Variants in TMCO6 observed in about 807,000 individuals in gnomAD.
TMCO6 encodes transmembrane and coiled-coil domain-containing protein 6.
TMCO6 carries 47 observed loss-of-function variants against 61.8 expected under a neutral mutation model. That is an observed-to-expected ratio of 0.76 (90% CI 0.60 to 0.97). The LOEUF (loss-of-function observed/expected upper bound fraction) is 0.97, where lower values mean the gene tolerates loss of function less well. Ranked by LOEUF, TMCO6 falls within the 50% of genes least tolerant of loss-of-function variation. The probability of loss-of-function intolerance (pLI) is 0.00; values close to 1 mark genes in which losing one functional copy is unlikely to be tolerated. For missense variants in TMCO6, 557 were observed against 601.6 expected (o/e 0.93, Z 0.78); for synonymous variants, 261 against 254.2 (o/e 1.03, Z -0.25).
At chr5:140,634,354 TG>T in the TMCO6 span, among the ~76,000 whole-genome samples, 1 of 150,680 alleles carries the variant, frequency 6.6e-6, no homozygotes, top group African/African-American at 2.4e-5. Flanking sequence ...CAAAACAAAA[TG>T]AAAAAAACAG....
the TMCO6 span, among the ~76,000 whole-genome samples, chr5:140,634,067 C>T: frequency 1.3e-5 from 2 of 152,114 alleles, no homozygotes; most frequent in African/African-American, 4.8e-5. Flanking sequence ...GGATTACAGG[C>T]GTGAGCCACT....
the TMCO6 span, among the ~76,000 whole-genome samples, chr5:140,598,450 C>T: frequency 3.3e-5 from 5 of 152,316 alleles, no homozygotes; most frequent in South Asian, 2.1e-4. Context: ...GACAATGCAA[C>T]GTGGTATGTC....
the TMCO6 span, among the ~76,000 whole-genome samples, chr5:140,607,102 T>C: frequency 1.1e-4 from 17 of 152,314 alleles, no homozygotes; most frequent in Admixed American, 1.0e-3. Context: ...GTGGTATTAA[T>C]TGCATTCACA....
the TMCO6 span, among the ~76,000 whole-genome samples, chr5:140,598,963 T>G: frequency 1.3e-5 from 2 of 151,952 alleles, no homozygotes; most frequent in African/African-American, 4.8e-5. Context: ...AAAACCAAAG[T>G]AAGTGTCTAT....
chr5:140,629,059 A>G, the TMCO6 span, among the ~76,000 whole-genome samples: 1 of 152,072 alleles, frequency 6.6e-6, no homozygotes, highest in Non-Finnish European at 1.5e-5. Context: ...ACCTGAGGTC[A>G]GGAATTCACA....
chr5:140,604,253 G>A, the TMCO6 span, among the ~76,000 whole-genome samples: 1 of 151,946 alleles, frequency 6.6e-6, no homozygotes, highest in South Asian at 2.1e-4. Flanking sequence ...CAATTAGCTG[G>A]GTGTGGTAGT....
At chr5:140,628,065 G>A in the TMCO6 span, among the ~76,000 whole-genome samples, 26 of 149,834 alleles carry the variant, frequency 1.7e-4, no homozygotes, top group Non-Finnish European at 2.8e-4. Context: ...CTGGAGTGCA[G>A]TGGCGCAACC....
chr5:140,618,339 G>C, the TMCO6 span, among the ~76,000 whole-genome samples: 4 of 152,110 alleles, frequency 2.6e-5, no homozygotes, highest in African/African-American at 9.7e-5. Flanking sequence ...TGAGACAAGA[G>C]AATTGTCTGA....
At chr5:140,637,630 C>A (rs935855246), upstream of TMCO6, among the ~76,000 whole-genome samples, 1 of 152,130 alleles carries the variant, frequency 6.6e-6, no homozygotes, top group Non-Finnish European at 1.5e-5. Flanking sequence ...ACCTCTCTAC[C>A]GTTAACATCA....
chr5:140,625,606 C>T, the TMCO6 span, among the ~76,000 whole-genome samples: 2,986 of 152,278 alleles, frequency 0.02, 97 homozygotes, highest in African/African-American at 0.069. Context: ...TTCCCCACAG[C>T]ACTTACCATC....
chr5:140,630,997 T>C, the TMCO6 span, among the ~76,000 whole-genome samples: 1 of 152,206 alleles, frequency 6.6e-6, no homozygotes, highest in African/African-American at 2.4e-5. Context: ...TCTGAGCTAA[T>C]GTGGACTAGA....
intron 4 of TMCO6, 57 bp from the exon 5 acceptor site, chr5:140,642,258 C>T (rs1328387017): frequency 1.3e-6 from 2 of 1,508,094 alleles, no homozygotes; most frequent in South Asian, 1.2e-5. Flanking sequence ...CCCATCTCCC[C>T]ACACGCAGCC....
chr5:140,628,978 A>T, the TMCO6 span, among the ~76,000 whole-genome samples: 1,782 of 152,304 alleles, frequency 0.012, 29 homozygotes, highest in African/African-American at 0.04. Context: ...CCAAACAGTT[A>T]AAACTTTAGG....
chr5:140,632,008 G>T, the TMCO6 span: 1 of 1,614,198 alleles, frequency 6.2e-7, no homozygotes, highest in Non-Finnish European at 8.5e-7. This position sits in a 1 kb window ranked among gnomAD's most constrained non-coding sequence, Gnocchi z 6.2. Flanking sequence ...TTCCCGTCCA[G>T]TGTCAGGTTA....
chr5:140,597,496 A>T, the TMCO6 span, among the ~76,000 whole-genome samples: 1 of 152,244 alleles, frequency 6.6e-6, no homozygotes, highest in Admixed American at 6.5e-5. Context: ...GACCTCTGGT[A>T]TAACCATATC....
chr5:140,639,741 C>G lies in TMCO6; in HGVS notation c.88C>G (p.Leu30Val), dbSNP rs919253654. 52 of 1,593,096 alleles carry G rather than the reference C, an allele frequency of 3.3e-5. No individual in the cohort carries two copies. Among genetic ancestry groups the G allele is most frequent in the Non-Finnish European group, 4.4e-5 (51 of 1,170,968 alleles). Residue 30 changes from leucine (L) to valine (V), a missense_variant and splice_region_variant, in exon 2 of 12, where the codon CTG becomes GTG. Physicochemically the swap from Leu to Val is conservative, Grantham distance 32. Coordinates refer to ENST00000394671, the MANE Select transcript of TMCO6 (RefSeq NM_018502.5). ...RRRRREREAA[L>V]RKARREQQLV... is the part of the protein sequence containing the mutation. ...TCAGCCGGCTCCTCTGCCCCCAGCA[C>G]TGCGGAAGGCGCGGAGGGAGCAGCA...
chr5:140,605,078 G>C, the TMCO6 span, among the ~76,000 whole-genome samples: 1 of 152,068 alleles, frequency 6.6e-6, no homozygotes, highest in African/African-American at 2.4e-5. Context: ...TGTATTCCAA[G>C]GAATTTTATT....
chr5:140,616,646 T>G, the TMCO6 span, among the ~76,000 whole-genome samples: 1 of 152,148 alleles, frequency 6.6e-6, no homozygotes, highest in African/African-American at 2.4e-5. Flanking sequence ...ACGCAATGTA[T>G]GGAATAGGAG....
Position 140,641,716 on chromosome 5 carries a change from GA to G in TMCO6, c.251del (p.Glu84GlyfsTer34). 1 of 1,614,236 alleles carries G rather than the reference GA, an allele frequency of 6.2e-7. No homozygotes were observed. Among genetic ancestry groups the G allele is most frequent in the Non-Finnish European group, 8.5e-7 (1 of 1,180,040 alleles). ...AQRGTEEKER[E>X]GALVSLRRGL... is the part of the protein sequence containing the mutation. ...GCGGGGGACAGAGGAAAAGGAGAGA[GA>G]GGGGGCTCTGGTCAGCCTTCGTCGA... On this transcript the variant is annotated frameshift_variant, in exon 3 of 12. Transcript: ENST00000394671. LOFTEE classifies it high-confidence loss of function.
Sources: allele counts gnomAD v4.1 joint callset (sites outside exome capture counted in the v4.1 genomes callset), GRCh38; gene constraint gnomAD v4.1.1; non-coding constraint Gnocchi (gnomAD v3.1); transcripts MANE v1.5; gene names NCBI Gene and HGNC (gene_info 2026-07-23, HGNC 2026-07-21).